The following TBX5 variants were observed in gnomAD, a reference collection of about 807,000 sequenced individuals.
TBX5 encodes the protein T-box transcription factor TBX5.
A neutral mutation model predicts 51.1 loss-of-function variants in TBX5; 8 were observed. The ratio of observed to expected loss-of-function variants is 0.16; its 90% CI spans 0.09 to 0.28. The LOEUF is 0.28. Among genes scored for constraint, TBX5 ranks in the 10% least tolerant of loss-of-function variants. TBX5 has a pLI of 1.00. For missense variants in TBX5, 589 were observed against 671.7 expected (o/e 0.88, Z 1.36); for synonymous variants, 302 against 266.4 (o/e 1.13, Z -1.30).
chr12:114,391,767 C>A (rs1299860810), intron 6 of TBX5, among the ~76,000 whole-genome samples: 3 of 152,206 alleles, frequency 2.0e-5, no homozygotes, highest in Non-Finnish European at 2.9e-5. Flanking sequence ...ACTGAGTCCA[C>A]AAATCACATG....
chr12:114,396,116 T>TC (rs1245789820), intron 5 of TBX5, among the ~76,000 whole-genome samples: 1 of 151,662 alleles, frequency 6.6e-6, no homozygotes, highest in Non-Finnish European at 1.5e-5. Flanking sequence ...CCGGCCCCGA[T>TC]CGAGTGGAGG....
chr12:114,366,418 G>T, intron 7 of TBX5, 27 bp from the exon 8 acceptor site: 2 of 1,604,714 alleles, frequency 1.2e-6, no homozygotes, highest in South Asian at 1.1e-5. Flanking sequence ...GGGAGATAAC[G>T]CCTATCAGTG....
At chr12:114,406,620 GGGGTGAAGGCA>G (rs953607866), upstream of TBX5, among the ~76,000 whole-genome samples, 45 of 152,092 alleles carry the variant, frequency 3.0e-4, no homozygotes, top group African/African-American at 1.1e-3. Context: ...CAACGACTCT[GGGGTGAAGGCA>G]GGGTGAAGGT....
chr12:114,388,594 T>C (rs1472831088), intron 6 of TBX5, among the ~76,000 whole-genome samples: 1 of 151,906 alleles, frequency 6.6e-6, no homozygotes, highest in East Asian at 1.9e-4. Flanking sequence ...CCTCCCACCT[T>C]GGCCTTCCAA....
chr12:114,397,656 A>G (rs1006643859), intron 5 of TBX5, among the ~76,000 whole-genome samples: 9 of 152,202 alleles, frequency 5.9e-5, no homozygotes, highest in African/African-American at 2.2e-4. Context: ...AATACCCTGC[A>G]TTCAGTTTCA....
intron 2 of TBX5, 144 bp from the exon 3 acceptor site, chr12:114,402,064 T>A: frequency 2.6e-6 from 2 of 755,768 alleles, no homozygotes; most frequent in Non-Finnish European, 4.6e-6. Context: ...TTCAGCCCAC[T>A]GCAGAATTAT....
upstream of TBX5, chr12:114,408,332 A>T (rs954377537): frequency 1.8e-6 from 1 of 552,528 alleles, no homozygotes; most frequent in Admixed American, 6.4e-5. Context: ...CTTTCTTAGG[A>T]AGGGGGAGAG....
At chr12:114,400,461 C>A (rs1871736089) in intron 3 of TBX5, among the ~76,000 whole-genome samples, 1 of 152,256 alleles carries the variant, frequency 6.6e-6, no homozygotes, top group African/African-American at 2.4e-5. Flanking sequence ...TTTCCCTCCA[C>A]CTTCTGAGGA....
intron 7 of TBX5, among the ~76,000 whole-genome samples, chr12:114,372,987 C>T (rs1158193317): frequency 1.6e-5 from 1 of 64,396 alleles, no homozygotes; most frequent in African/African-American, 4.6e-5. Context: ...TACATACACA[C>T]ACACACACAC....
At chr12:114,381,412 G>A (rs1870498881) in intron 7 of TBX5, among the ~76,000 whole-genome samples, 1 of 152,146 alleles carries the variant, frequency 6.6e-6, no homozygotes, top group Non-Finnish European at 1.5e-5. Flanking sequence ...ACTCTGGAGA[G>A]CCATATTCCC....
At chr12:114,386,720 T>C (rs1870833613) in intron 6 of TBX5, among the ~76,000 whole-genome samples, 1 of 152,198 alleles carries the variant, frequency 6.6e-6, no homozygotes, top group Non-Finnish European at 1.5e-5. Flanking sequence ...AATTAGACAC[T>C]TTTAGAGAAC....
intron 6 of TBX5, among the ~76,000 whole-genome samples, chr12:114,390,859 G>A (rs562081311): frequency 2.8e-4 from 43 of 152,282 alleles, no homozygotes; most frequent in Non-Finnish European, 4.3e-4. Flanking sequence ...TTACAAAAAC[G>A]TGTTTCACAG....
chr12:114,403,408 A>G (rs775926305), intron 2 of TBX5, among the ~76,000 whole-genome samples: 3 of 152,156 alleles, frequency 2.0e-5, no homozygotes, highest in Non-Finnish European at 4.4e-5. Context: ...GATTCTACAC[A>G]TAGTGCAGAG....
intron 7 of TBX5, among the ~76,000 whole-genome samples, chr12:114,376,695 G>A (rs921104490): frequency 6.6e-6 from 1 of 150,872 alleles, no homozygotes; most frequent in East Asian, 1.9e-4. Context: ...AAAATAAAAT[G>A]GTAACTATAT....
intron 6 of TBX5, among the ~76,000 whole-genome samples, chr12:114,393,561 C>G (rs1006444414): frequency 6.6e-6 from 1 of 152,148 alleles, no homozygotes; most frequent in Non-Finnish European, 1.5e-5. Context: ...AGAGGTGAAT[C>G]CTGACAAGTC....
intron 7 of TBX5, among the ~76,000 whole-genome samples, chr12:114,375,681 T>C (rs1399142332): frequency 6.6e-6 from 1 of 152,162 alleles, no homozygotes; most frequent in East Asian, 1.9e-4. Flanking sequence ...CCTTGCACAC[T>C]GCTGGTGGGA....
At chr12:114,372,545 T>C (rs1869969543) in intron 7 of TBX5, among the ~76,000 whole-genome samples, 1 of 151,764 alleles carries the variant, frequency 6.6e-6, no homozygotes, top group South Asian at 2.1e-4. Flanking sequence ...TGGCCTCAAG[T>C]GATCCTCCCC....
At chr12:114,407,642 G>T (rs1176027871), upstream of TBX5, among the ~76,000 whole-genome samples, 1 of 152,166 alleles carries the variant, frequency 6.6e-6, no homozygotes, top group Non-Finnish European at 1.5e-5. Flanking sequence ...CAAACCTTTC[G>T]AGAGAATCCA....
At chr12:114,401,264 G>T (rs1272508272) in intron 3 of TBX5, among the ~76,000 whole-genome samples, 1 of 152,202 alleles carries the variant, frequency 6.6e-6, no homozygotes, top group African/African-American at 2.4e-5. Flanking sequence ...GCCGAGCCCC[G>T]GTTCAGTTTT....
Sources: gnomAD v4.1 joint callset for allele counts (sites outside exome capture counted in the v4.1 genomes callset) on GRCh38, gnomAD v4.1.1 for gene constraint, MANE v1.5 for transcripts, NCBI Gene and HGNC (gene_info 2026-07-23, HGNC 2026-07-21) for gene names.